Variants in FBXO11 observed in about 807,000 individuals in gnomAD.
The protein encoded by FBXO11 is F-box only protein 11.
FBXO11 carries 13 observed loss-of-function variants against 117.0 expected under a neutral mutation model. The ratio of observed to expected loss-of-function variants is 0.11; its 90% CI spans 0.07 to 0.18. The LOEUF is 0.18. FBXO11 is among the 10% of genes least tolerant of loss of function. The pLI is 1.00. For synonymous variants in FBXO11, 490 were observed against 380.5 expected (o/e 1.29, Z -3.35); for missense variants, 767 against 1,164.4 (o/e 0.66, Z 4.97).
intron 17 of FBXO11, 43 bp from the exon 18 acceptor site, chr2:47,813,420 T>C (rs2104659327): frequency 1.0e-6 from 1 of 1,000,226 alleles, no homozygotes; most frequent in South Asian, 1.9e-5. Flanking sequence ...GTATATTTCT[T>C]TTTAATTTTT....
At chr2:47,842,526 A>G (rs751996351) in intron 1 of FBXO11, among the ~76,000 whole-genome samples, 1 of 152,168 alleles carries the variant, frequency 6.6e-6, no homozygotes, top group Non-Finnish European at 1.5e-5. Flanking sequence ...TGTAATATTT[A>G]AAAGTAGAGA....
intron 1 of FBXO11, among the ~76,000 whole-genome samples, chr2:47,862,955 T>C (rs1189551893): frequency 6.7e-6 from 1 of 149,664 alleles, no homozygotes; most frequent in East Asian, 2.0e-4. Flanking sequence ...CTTGGGAGGC[T>C]AAGGCAGGAG....
At chr2:47,876,113 AT>A (rs1675985931) in intron 1 of FBXO11, among the ~76,000 whole-genome samples, 2 of 152,216 alleles carry the variant, frequency 1.3e-5, no homozygotes, top group South Asian at 4.1e-4. Flanking sequence ...CTAGTCTTTC[AT>A]TCAGGTAGTC....
intron 18 of FBXO11, 180 bp from the exon 19 acceptor site, chr2:47,810,606 T>G: frequency 2.0e-6 from 1 of 499,312 alleles, no homozygotes; most frequent in Non-Finnish European, 3.5e-6. Context: ...CTAACAAAAT[T>G]GCTACAATGA....
At chr2:47,900,673 T>C (rs28625843) in intron 1 of FBXO11, among the ~76,000 whole-genome samples, 8,755 of 35,434 alleles carry the variant, frequency 0.25, 2,045 homozygotes, top group East Asian at 0.5. Context: ...CGTACGTATA[T>C]ACACACGTAT....
intron 1 of FBXO11, among the ~76,000 whole-genome samples, chr2:47,848,311 A>C (rs1168292525): frequency 6.6e-6 from 1 of 152,196 alleles, no homozygotes; most frequent in Non-Finnish European, 1.5e-5. Flanking sequence ...CTGTCAGATC[A>C]GCCACAGCAT....
intron 1 of FBXO11, among the ~76,000 whole-genome samples, chr2:47,856,292 C>T (rs943929018): frequency 6.6e-6 from 1 of 152,114 alleles, no homozygotes; most frequent in Non-Finnish European, 1.5e-5. Flanking sequence ...TTAATCTTCT[C>T]CACAATCTTT....
intron 7 of FBXO11, among the ~76,000 whole-genome samples, chr2:47,833,923 C>G (rs1672362488): frequency 6.6e-6 from 1 of 152,154 alleles, no homozygotes; most frequent in Non-Finnish European, 1.5e-5. Flanking sequence ...CCACCTCAGC[C>G]TCCCAAACTA....
At chr2:47,811,802 CTTACTACA>C (rs1399364048) in intron 18 of FBXO11, 2 of 152,226 alleles carry the variant, frequency 1.3e-5, no homozygotes, top group East Asian at 3.8e-4. Context: ...GAGATACGGT[CTTACTACA>C]TTGCCTAGGC....
intron 1 of FBXO11, among the ~76,000 whole-genome samples, chr2:47,882,449 A>G (rs577885480): frequency 2.0e-5 from 3 of 152,048 alleles, no homozygotes; most frequent in South Asian, 4.1e-4. Flanking sequence ...TTTTTCTTCA[A>G]TTGTGTTTTT....
chr2:47,815,702 TC>T lies in FBXO11; in HGVS notation c.2007-1836del, dbSNP rs910868068. Among the ~76,000 whole-genome samples, 5 of 152,308 alleles carry T rather than the reference TC, an allele frequency of 3.3e-5. No homozygotes were observed. In the South Asian group the frequency reaches 8.3e-4, roughly 25 times the overall value. On this transcript the variant is annotated intron_variant, in intron 16 of 22. Coordinates refer to ENST00000403359, the MANE Select transcript of FBXO11 (RefSeq NM_001190274.2). ...TTGGCCAAGTGTTAGAAGAACCTCT[TC>T]AAAGCTGAAATTCATAGAGTTCTTC...
intron 1 of FBXO11, among the ~76,000 whole-genome samples, chr2:47,903,453 T>G (rs139775003): frequency 6.6e-6 from 1 of 152,178 alleles, no homozygotes. Flanking sequence ...GAGAAGAAAA[T>G]TGACACTGGC....
chr2:47,887,092 C>T (rs1376164351), intron 1 of FBXO11, among the ~76,000 whole-genome samples: 1 of 151,852 alleles, frequency 6.6e-6, no homozygotes, highest in Non-Finnish European at 1.5e-5. Flanking sequence ...TCAAGACCTG[C>T]CTGACCAACA....
chr2:47,838,752 C>T, intron 4 of FBXO11, 107 bp downstream of exon 4: 1 of 958,866 alleles, frequency 1.0e-6, no homozygotes. Flanking sequence ...AATTTTGTTC[C>T]AACTAATTGT....
intron 21 of FBXO11, 194 bp downstream of exon 21, chr2:47,808,964 T>C (rs1209977412): frequency 6.6e-6 from 3 of 452,312 alleles, no homozygotes; most frequent in Non-Finnish European, 1.2e-5. Flanking sequence ...CCCAAAGTGC[T>C]AGGATTACAG....
intron 1 of FBXO11, among the ~76,000 whole-genome samples, chr2:47,880,833 C>T (rs1676376349): frequency 6.6e-6 from 1 of 152,100 alleles, no homozygotes. Context: ...TTTAAAATAC[C>T]AGTCTTTCAC....
chr2:47,898,339 T>TA (rs1677834267), intron 1 of FBXO11, among the ~76,000 whole-genome samples: 2 of 152,146 alleles, frequency 1.3e-5, no homozygotes, highest in Non-Finnish European at 1.5e-5. Flanking sequence ...CAAACATATA[T>TA]AAAAACTCCA....
At chr2:47,892,764 T>C (rs1677352303) in intron 1 of FBXO11, among the ~76,000 whole-genome samples, 1 of 152,176 alleles carries the variant, frequency 6.6e-6, no homozygotes, top group South Asian at 2.1e-4. Context: ...ACAATGAATG[T>C]AACAGCCAAA....
At chr2:47,826,715 C>G (rs1053529735) in intron 11 of FBXO11, among the ~76,000 whole-genome samples, 1 of 152,122 alleles carries the variant, frequency 6.6e-6, no homozygotes, top group Non-Finnish European at 1.5e-5. Flanking sequence ...GCTTAGCTTT[C>G]TAGTGACAAC....
Sources: gnomAD v4.1 joint callset for allele counts (sites outside exome capture counted in the v4.1 genomes callset) on GRCh38, gnomAD v4.1.1 for gene constraint, MANE v1.5 for transcripts, NCBI Gene and HGNC (gene_info 2026-07-23, HGNC 2026-07-21) for gene names.